The following IL18R1 variants were observed in gnomAD, a reference collection of about 807,000 sequenced individuals.
IL18R1 encodes the protein interleukin 18 receptor 1.
IL18R1 carries 40 observed loss-of-function variants against 48.5 expected under a neutral mutation model. The observed-to-expected ratio is 0.82, with a 90% CI of 0.64 to 1.07. The LOEUF is 1.07. Ranked by LOEUF, IL18R1 falls within the 50% of genes least tolerant of loss-of-function variation. The pLI, the probability that IL18R1 is intolerant of heterozygous loss-of-function variation, is 0.00. For synonymous variants in IL18R1, 232 were observed against 225.9 expected (o/e 1.03, Z -0.24); for missense variants, 596 against 633.7 (o/e 0.94, Z 0.64).
chr2:102,390,904 C>T (rs182354567), intron 9 of IL18R1, among the ~76,000 whole-genome samples: 204 of 127,510 alleles, frequency 1.6e-3, no homozygotes, highest in African/African-American at 5.5e-3. Context: ...CGCTGCGCTC[C>T]AGCCTGGGCG....
At position 102,372,003 on chromosome 2, in the gene IL18R1, G is replaced by A; in HGVS notation, c.353G>A (p.Ser118Asn). 6.3e-7 allele frequency: 1 copy of A among 1,586,512 alleles called. No individual in the cohort carries two copies. Among genetic ancestry groups the A allele is most frequent in the South Asian group, 1.1e-5 (1 of 88,330 alleles). Residue 118 changes from serine to asparagine, a missense_variant, in exon 4 of 11, where the codon AGC becomes AAC. Transcript: ENST00000233957. Reference protein sequence around the residue: ...KLNVIRRNKHSCFTERQVTSK... With the variant: ...KLNVIRRNKHNCFTERQVTSK... ...AATGTCATCAGAAGAAATAAACACA[G>A]CTGTTTCACTGAAAGACAAGTAACT...
intron 5 of IL18R1, among the ~76,000 whole-genome samples, chr2:102,380,616 CT>C (rs1185839677): frequency 2.6e-5 from 4 of 152,198 alleles, no homozygotes; most frequent in African/African-American, 9.6e-5. Context: ...TGGTTTCATT[CT>C]CCTGTTCTTG....
chr2:102,397,076 G>A lies in IL18R1; in HGVS notation c.*190G>A. The A allele has an allele frequency of 3.9e-6, 2 of 509,302 alleles. No homozygotes were observed. Among genetic ancestry groups the A allele is most frequent in the Non-Finnish European group, 6.9e-6 (2 of 291,238 alleles). 31.5% of individuals were successfully genotyped at this position (509,302 alleles called of 1,614,324 possible). A position where few individuals can be genotyped will look rare whatever the true frequency, so the allele number is the denominator to read the frequency against. On this transcript the variant is annotated 3_prime_UTR_variant, in exon 11 of 11. Transcript: ENST00000233957. The stretch of plus-strand genomic sequence containing the variant: ...AGATTGCGCTGTGGGCTGTGGTCAC[G>A]TGCTCCCAGAAGACCTGGAATTCAA...
chr2:102,376,569 G>A (rs1274393341), intron 5 of IL18R1, among the ~76,000 whole-genome samples: 1 of 152,182 alleles, frequency 6.6e-6, no homozygotes. Flanking sequence ...TTGGAGGAAG[G>A]ACAGATGCAG....
rs892545017 is a variant in IL18R1, at chr2:102,398,255, A to C, written c.*1369A>C. The C allele has an allele frequency of 6.6e-6, 1 of 152,382 alleles. No individual in the cohort carries two copies. Among genetic ancestry groups the C allele is most frequent in the Non-Finnish European group, 1.5e-5 (1 of 68,040 alleles). 9.4% of individuals were successfully genotyped at this position (152,382 alleles called of 1,614,324 possible). A position where few individuals can be genotyped will look rare whatever the true frequency, so the allele number is the denominator to read the frequency against. ...TCTTACCCCCCAAAGGGAGCCCAGC[A>C]CTGGGAGCCTTCTTGATGATCTCAA... On this transcript the variant is annotated 3_prime_UTR_variant, in exon 11 of 11. Coordinates refer to ENST00000233957, the MANE Select transcript of IL18R1 (RefSeq NM_003855.5).
At chr2:102,383,087 T>C (rs1475420181) in intron 6 of IL18R1, among the ~76,000 whole-genome samples, 2 of 152,224 alleles carry the variant, frequency 1.3e-5, no homozygotes, top group African/African-American at 4.8e-5. Flanking sequence ...TCCAAATATT[T>C]GGTGAACTTT....
rs751955739 is a variant in IL18R1, at chr2:102,396,558, T to G, written c.1298T>G (p.Ile433Arg). The change falls in exon 11 of 11, where the codon ATA (isoleucine) becomes AGA (arginine). Residue 433 changes from isoleucine (I) to arginine (R), a missense_variant. Ile to Arg is a moderately conservative substitution (Grantham distance 97, BLOSUM62 -3). Around this residue, in one of 3 missense-constraint regions of IL18R1, gnomAD observed 179 missense variants for 206.1 expected, o/e 0.87. Coordinates refer to ENST00000233957, the MANE Select transcript of IL18R1 (RefSeq NM_003855.5). The stretch of plus-strand genomic sequence containing the variant: ...GTTGTTGATGAAATCCACTCACTGA[T>G]AGAGAAAAGCCGAAGACTAATCATT... The part of the protein sequence containing the change: ...GAVVDEIHSL[I>R]EKSRRLIIVL... The G allele has an allele frequency of 6.2e-7, 1 of 1,604,606 alleles. No individual in the cohort carries two copies. The highest frequency in any genetic ancestry group is 2.2e-5 in the East Asian group (1 of 44,808).
rs1210661094 is a variant in IL18R1, at chr2:102,390,087, C to T, written c.981C>T (p.Phe327=). 6.2e-7 allele frequency: 1 copy of T among 1,613,904 alleles called. No homozygotes were observed. Among genetic ancestry groups the T allele is most frequent in the African/African-American group, 1.3e-5 (1 of 74,876 alleles). The stretch of plus-strand genomic sequence containing the variant: ...TGGCTGATATCCCAGGCCACGTCTT[C>T]ACAAGAGGAATGATCATAGCTGTTT... ...ADMADIPGHV[F]TRGMIIAVLI... The change falls in exon 9 of 11, where the codon TTC becomes TTT. Residue 327 remains phenylalanine, a synonymous_variant. Transcript: ENST00000233957.
intron 10 of IL18R1, among the ~76,000 whole-genome samples, chr2:102,395,623 A>T (rs1177335841): frequency 6.6e-6 from 1 of 152,210 alleles, no homozygotes; most frequent in East Asian, 1.9e-4. Context: ...AAGAAGGCAT[A>T]TTGTTACTTA....
Position 102,356,305 on chromosome 2 carries a change from T to C in IL18R1, c.-124T>C. 1 of 983,774 alleles carries C rather than the reference T, an allele frequency of 1.0e-6. No homozygotes were observed. 60.9% of individuals were successfully genotyped at this position (983,774 alleles called of 1,614,324 possible). ...TAGTCAGGAGGCGGAGATCGCTGCT[T>C]CTCACCTACTTTCTGAACTTGGCCT... On this transcript the variant is annotated 5_prime_UTR_variant, in exon 1 of 11. Transcript: ENST00000233957.
At chr2:102,361,651 G>A (rs984714140) in intron 1 of IL18R1, among the ~76,000 whole-genome samples, 3 of 152,226 alleles carry the variant, frequency 2.0e-5, no homozygotes, top group Non-Finnish European at 4.4e-5. Flanking sequence ...GTTTTGCACA[G>A]CTTGTCAGGA....
rs1420098 is a variant in IL18R1, at chr2:102,367,819, T to C, written c.59-6T>C. On this transcript the variant is annotated splice_polypyrimidine_tract_variant and splice_region_variant and intron_variant, in intron 2 of 10. Coordinates refer to ENST00000233957, the MANE Select transcript of IL18R1 (RefSeq NM_003855.5). The stretch of plus-strand genomic sequence containing the variant: ...TTATTTATTTTACTTTACTAATCTT[T>C]TGAAGAATCTTGTACTTCACGTCCC... The C allele has an allele frequency of 0.38, 604,504 of 1,604,718 alleles. 115,560 individuals carry two copies. Among genetic ancestry groups the C allele is most frequent in the Middle Eastern group, 0.49 (2,946 of 6,038 alleles).
intron 5 of IL18R1, among the ~76,000 whole-genome samples, chr2:102,377,622 T>C (rs1308612421): frequency 6.6e-6 from 1 of 152,234 alleles, no homozygotes; most frequent in Non-Finnish European, 1.5e-5. Context: ...GGCTGGAAAA[T>C]GTGTTTCTTT....
At position 102,396,707 on chromosome 2, in the gene IL18R1, AC is replaced by A. The variant is rs1400353485; in HGVS notation, c.1448del (p.Thr483AsnfsTer7). ...LIEFTPVTDF[T>X]FLPQSLKLLK... is the part of the protein sequence containing the mutation. ...TGAATTTACACCTGTTACTGACTTCACATTCTTGCCCCAATCACTAAAGCTT... is the reference window on the plus strand; with the variant it reads ...TGAATTTACACCTGTTACTGACTTCAATTCTTGCCCCAATCACTAAAGCTT... On this transcript the variant is annotated frameshift_variant, in exon 11 of 11. Transcript: ENST00000233957. LOFTEE classifies it low-confidence loss of function (END_TRUNC). The A allele has an allele frequency of 6.2e-7, 1 of 1,614,028 alleles. No individual in the cohort carries two copies. Among genetic ancestry groups the A allele is most frequent in the Non-Finnish European group, 8.5e-7 (1 of 1,179,984 alleles).
intron 9 of IL18R1, among the ~76,000 whole-genome samples, chr2:102,394,040 T>C (rs1174992719): frequency 6.6e-6 from 1 of 152,184 alleles, no homozygotes; most frequent in African/African-American, 2.4e-5. Flanking sequence ...AGCATGGTCT[T>C]TGTTATTTAG....
intron 5 of IL18R1, among the ~76,000 whole-genome samples, chr2:102,378,232 A>G (rs1407867701): frequency 6.6e-6 from 1 of 152,194 alleles, no homozygotes; most frequent in Non-Finnish European, 1.5e-5. Context: ...GAATCATGTC[A>G]TATAATCCTC....
At chr2:102,383,107 G>T (rs755784239) in intron 6 of IL18R1, among the ~76,000 whole-genome samples, 3 of 151,986 alleles carry the variant, frequency 2.0e-5, no homozygotes, top group Non-Finnish European at 2.9e-5. Context: ...TCTAGTTCTT[G>T]TCTCTTATTC....
intron 9 of IL18R1, among the ~76,000 whole-genome samples, chr2:102,393,032 A>G (rs979056385): frequency 3.9e-5 from 6 of 152,238 alleles, no homozygotes; most frequent in Non-Finnish European, 7.3e-5. Flanking sequence ...CATAGGTAAG[A>G]GCAAAGCTAT....
chr2:102,387,720 C>T (rs1680321194), intron 8 of IL18R1, among the ~76,000 whole-genome samples: 1 of 152,072 alleles, frequency 6.6e-6, no homozygotes, highest in African/African-American at 2.4e-5. Flanking sequence ...AGGTCAAGAT[C>T]TGCAAGAGAG....
Sources: gnomAD v4.1 joint callset for allele counts (sites outside exome capture counted in the v4.1 genomes callset) on GRCh38, gnomAD v4.1.1 for gene constraint, gnomAD v4.1.1 regional missense constraint, MANE v1.5 for transcripts, NCBI Gene and HGNC (gene_info 2026-07-23, HGNC 2026-07-21) for gene names.